EYA4: variants seen among roughly 807,000 people sequenced by gnomAD.
EYA4 encodes the protein EYA transcriptional coactivator and phosphatase 4, also known as protein phosphatase EYA4.
EYA4 carries 31 observed loss-of-function variants against 87.9 expected under a neutral mutation model. That is an observed-to-expected ratio of 0.35 (90% CI 0.27 to 0.48). EYA4 has a LOEUF of 0.48. Ranked by LOEUF, EYA4 falls within the 20% of genes least tolerant of loss-of-function variation. EYA4 has a pLI of 0.99. For missense variants in EYA4, 678 were observed against 761.4 expected (o/e 0.89, Z 1.29); for synonymous variants, 263 against 270.6 (o/e 0.97, Z 0.28).
At chr6:133,456,518 T>G (rs1793918143) in intron 5 of EYA4, 38 bp from the exon 6 acceptor site, 1 of 1,366,160 alleles carries the variant, frequency 7.3e-7, no homozygotes, top group Admixed American at 1.7e-5. Flanking sequence ...GACATAAATT[T>G]AGAAGTAAAA....
intron 3 of EYA4, among the ~76,000 whole-genome samples, chr6:133,404,093 C>G (rs542260576): frequency 6.6e-6 from 1 of 152,106 alleles, no homozygotes; most frequent in Non-Finnish European, 1.5e-5. Flanking sequence ...AGATTACAGG[C>G]GTGAGCCACT....
In EYA4 at chr6:133,407,736, G is replaced by GA. The variant is rs1462936611; in HGVS notation, c.83+25295_83+25296insA. ...TTCTGATGTTTGTTACTAATTTTCAGGAAAAAAAAATAAAAGAAAAATACT... is the reference window on the plus strand; with the variant it reads ...TTCTGATGTTTGTTACTAATTTTCAGAGAAAAAAAAATAAAAGAAAAATACT... On this transcript the variant is annotated intron_variant, in intron 3 of 19. Coordinates refer to ENST00000355286, the MANE Select transcript of EYA4 (RefSeq NM_004100.5). Among the ~76,000 whole-genome samples, 259 of 118,690 alleles carry GA rather than the reference G, an allele frequency of 2.2e-3. 6 individuals are homozygous for GA. In the East Asian group the frequency reaches 0.077, roughly 35 times the overall value. 77.9% of individuals were successfully genotyped at this position (118,690 alleles called of 152,430 possible).
intron 2 of EYA4, among the ~76,000 whole-genome samples, chr6:133,278,631 A>G (rs941316733): frequency 6.6e-6 from 1 of 152,162 alleles, no homozygotes; most frequent in Admixed American, 6.5e-5. Flanking sequence ...TTTATATTCG[A>G]CTCACTTAAA....
intron 3 of EYA4, among the ~76,000 whole-genome samples, chr6:133,386,405 GATA>G (rs1268857307): frequency 5.9e-5 from 9 of 151,944 alleles, no homozygotes; most frequent in African/African-American, 1.9e-4. Context: ...TTTTATTTCT[GATA>G]ATGAGGTGAG....
At chr6:133,379,757 T>C (rs1378292315) in intron 2 of EYA4, among the ~76,000 whole-genome samples, 6 of 152,154 alleles carry the variant, frequency 3.9e-5, no homozygotes, top group African/African-American at 1.4e-4. Context: ...GATATAATGA[T>C]GTACCAGATC....
In EYA4 at chr6:133,512,762, T is replaced by C; in HGVS notation, c.1323T>C (p.Asp441=). 1 of 1,613,638 alleles carries C rather than the reference T, an allele frequency of 6.2e-7. No individual in the cohort carries two copies. The highest frequency in any genetic ancestry group is 8.5e-7 in the Non-Finnish European group (1 of 1,179,486). The change falls in exon 15 of 20, where the codon GAT becomes GAC. Residue 441 remains aspartate, a synonymous_variant. Transcript: ENST00000355286. Reference sequence around the variant, plus strand: ...ATATAGATGATGTTTCCTCTGATGATAATGGGCAGGACTTAAGGTAAGCTA... The same window carrying C: ...ATATAGATGATGTTTCCTCTGATGACAATGGGCAGGACTTAAGGTAAGCTA... ...QVHIDDVSSD[D]NGQDLSTYSF...
chr6:133,400,170 A>G (rs896909999), intron 3 of EYA4, among the ~76,000 whole-genome samples: 1 of 152,330 alleles, frequency 6.6e-6, no homozygotes, highest in African/African-American at 2.4e-5. Flanking sequence ...ATTATGTGCA[A>G]AACAACACCA....
intron 2 of EYA4, among the ~76,000 whole-genome samples, chr6:133,299,444 G>A (rs1046549749): frequency 1.4e-4 from 22 of 151,838 alleles, no homozygotes; most frequent in Admixed American, 1.4e-3. Context: ...ACTTAAAATC[G>A]GCTGGGCCTG....
chr6:133,531,122 C>A lies in EYA4; in HGVS notation c.*2317C>A. The A allele has an allele frequency of 6.6e-7, 1 of 1,517,356 alleles. No individual in the cohort carries two copies. Among genetic ancestry groups the A allele is most frequent in the South Asian group, 1.2e-5 (1 of 81,646 alleles). The allele number at this position is 1,517,356 out of a possible 1,614,324, so 94.0% of individuals were successfully genotyped here. A position where few individuals can be genotyped will look rare whatever the true frequency, so the allele number is the denominator to read the frequency against. On this transcript the variant is annotated 3_prime_UTR_variant, in exon 20 of 20. Coordinates refer to ENST00000355286, the MANE Select transcript of EYA4 (RefSeq NM_004100.5). Reference sequence around the variant, plus strand: ...AAGTCTGTGGGTGCAGAAAGAAACACCCCTTGGAAGGGCAAAGAGAAGCCG... The same window carrying A: ...AAGTCTGTGGGTGCAGAAAGAAACAACCCTTGGAAGGGCAAAGAGAAGCCG...
At chr6:133,263,132 T>C (rs892226217) in intron 1 of EYA4, among the ~76,000 whole-genome samples, 8 of 152,154 alleles carry the variant, frequency 5.3e-5, no homozygotes, top group Non-Finnish European at 1.2e-4. Flanking sequence ...GGTAACTAGG[T>C]ACACAAGAAT....
At chr6:133,334,861 A>C (rs1424363376) in intron 2 of EYA4, among the ~76,000 whole-genome samples, 2 of 152,224 alleles carry the variant, frequency 1.3e-5, no homozygotes, top group Non-Finnish European at 2.9e-5. Flanking sequence ...TCTTTGGTTG[A>C]AAATTTGCTT....
chr6:133,526,848 CA>C (rs1800679766), intron 19 of EYA4, among the ~76,000 whole-genome samples: 1 of 152,204 alleles, frequency 6.6e-6, no homozygotes, highest in African/African-American at 2.4e-5. Context: ...ATTAGTAATA[CA>C]GCCCCACTCC....
intron 11 of EYA4, among the ~76,000 whole-genome samples, chr6:133,478,920 G>A (rs1251387865): frequency 6.6e-6 from 1 of 152,118 alleles, no homozygotes; most frequent in Admixed American, 6.6e-5. Context: ...AACCACCCAT[G>A]ACTGGGGTTC....
chr6:133,293,378 A>G (rs1369883471), intron 2 of EYA4, among the ~76,000 whole-genome samples: 1 of 152,028 alleles, frequency 6.6e-6, no homozygotes, highest in Non-Finnish European at 1.5e-5. Context: ...CTTTTTTTAT[A>G]TATATACTTG....
intron 3 of EYA4, among the ~76,000 whole-genome samples, chr6:133,424,307 G>T (rs928573420): frequency 6.6e-6 from 1 of 152,200 alleles, no homozygotes; most frequent in African/African-American, 2.4e-5. Context: ...CCCCACTCTG[G>T]TCTGCAGGAC....
At chr6:133,343,375 C>T (rs1782944344) in intron 2 of EYA4, among the ~76,000 whole-genome samples, 1 of 152,178 alleles carries the variant, frequency 6.6e-6, no homozygotes, top group Admixed American at 6.5e-5. Flanking sequence ...CCTGTGCCAT[C>T]CTTGAGCTCA....
chr6:133,343,946 ATCT>A (rs1246830184), intron 2 of EYA4, among the ~76,000 whole-genome samples: 1 of 150,636 alleles, frequency 6.6e-6, no homozygotes, highest in Non-Finnish European at 1.5e-5. Context: ...TGCTCTGCAA[ATCT>A]TCTAATTTGA....
Position 133,315,022 on chromosome 6 carries a change from G to A in EYA4, c.33+40209G>A, listed in dbSNP as rs1021717934. Among the ~76,000 whole-genome samples, 28 of 152,046 alleles carry A rather than the reference G, an allele frequency of 1.8e-4. 1 individual carries two copies. The highest frequency in any genetic ancestry group is 1.2e-3 in the Admixed American group (18 of 15,254). On this transcript the variant is annotated intron_variant, in intron 2 of 19. Transcript: ENST00000355286. ...GAGAACATTCTATATAAACTGTTGC[G>A]TCTCCCCAGCTACCCTCAGAGAAAA...
At chr6:133,497,798 G>C (rs1797762870) in intron 13 of EYA4, among the ~76,000 whole-genome samples, 1 of 152,096 alleles carries the variant, frequency 6.6e-6, no homozygotes, top group Non-Finnish European at 1.5e-5. Flanking sequence ...GTGCTATGAA[G>C]CTATGATACT....
Sources: allele counts gnomAD v4.1 joint callset (sites outside exome capture counted in the v4.1 genomes callset), GRCh38; gene constraint gnomAD v4.1.1; transcripts MANE v1.5; gene names NCBI Gene and HGNC (gene_info 2026-07-23, HGNC 2026-07-21).